Variants in TRPV1 observed in about 807,000 individuals in gnomAD.
The protein encoded by TRPV1 is OTRPC1.
TRPV1 carries 82 observed loss-of-function variants against 82.3 expected under a neutral mutation model. The observed-to-expected ratio is 1.00, with a 90% CI of 0.83 to 1.20. TRPV1 has a LOEUF of 1.20. Among genes scored for constraint, TRPV1 ranks in the 50% most tolerant of loss-of-function variants. TRPV1 has a pLI of 0.00. For missense variants in TRPV1, 1,067 were observed against 1,096.8 expected, an observed-to-expected ratio of 0.97 and a Z score of 0.38; for synonymous variants, 515 against 467.7, an observed-to-expected ratio of 1.10 and a Z score of -1.30.
rs2075111831 is a variant in TRPV1, at chr17:3,588,477, C to T, written c.1045-110G>A. On this transcript the variant is annotated intron_variant, in intron 7 of 16. Transcript: ENST00000572705. ...GCCCAGCTGGTGGCCCCACCTAAGC[C>T]CCAGGCGAGTCCCCACCCACTCCTG... The T allele has an allele frequency of 7.8e-6, 10 of 1,277,300 alleles. No individual in the cohort carries two copies. The South Asian group carries it at 1.3e-4, about 17-fold the overall frequency. 79.1% of individuals were successfully genotyped at this position (1,277,300 alleles called of 1,614,324 possible).
At chr17:3,580,423 G>A (rs138449324) in intron 11 of TRPV1, 34 bp downstream of exon 11, 780 of 1,611,838 alleles carry the variant, frequency 4.8e-4, no homozygotes, top group Non-Finnish European at 6.2e-4. Context: ...GTCACCTGGG[G>A]ACTGGACTGG....
chr17:3,577,144 A>G lies in TRPV1; in HGVS notation c.1762T>C (p.Leu588=), dbSNP rs376378147. ...CRFMFVYIVF[L]FGFSTAVVTL... Reference sequence around the variant, plus strand: ...TCATTACCTGTGGAAAACCCGAACAAGAAGACGATGTAGACAAACATGAAA... The same window carrying G: ...TCATTACCTGTGGAAAACCCGAACAGGAAGACGATGTAGACAAACATGAAA... Residue 588 remains leucine, a synonymous_variant, in exon 13 of 17, where the codon TTG becomes CTG. Transcript: ENST00000572705. 24 of 1,588,662 alleles carry G rather than the reference A, an allele frequency of 1.5e-5. No individual in the cohort carries two copies. The highest frequency in any genetic ancestry group is 2.0e-5 in the Non-Finnish European group (23 of 1,167,918).
At position 3,585,935 on chromosome 17, in the gene TRPV1, T is replaced by G. The variant is rs1158563610; in HGVS notation, c.1225-9A>C. 6.2e-7 allele frequency: 1 copy of G among 1,610,646 alleles called. No individual in the cohort carries two copies. The highest frequency in any genetic ancestry group is 8.5e-7 in the Non-Finnish European group (1 of 1,179,418). On this transcript the variant is annotated splice_polypyrimidine_tract_variant and intron_variant, in intron 8 of 16. Coordinates refer to ENST00000572705, the MANE Select transcript of TRPV1 (RefSeq NM_080704.4). The stretch of plus-strand genomic sequence containing the variant: ...AGCATGTCGTGGCGATTCTAGGGGG[T>G]GGGGAGAGAAGTGAGGTTCCCTCCT...
At chr17:3,603,909 G>C (rs2075280663) in intron 2 of TRPV1, among the ~76,000 whole-genome samples, 1 of 152,130 alleles carries the variant, frequency 6.6e-6, no homozygotes, top group Admixed American at 6.6e-5. Flanking sequence ...CCCTAGCAGA[G>C]CAGTAGGGTC....
At chr17:3,593,205 C>T (rs2075184316) in intron 2 of TRPV1, among the ~76,000 whole-genome samples, 2 of 151,952 alleles carry the variant, frequency 1.3e-5, no homozygotes, top group Non-Finnish European at 2.9e-5. Context: ...GCAACCTCCA[C>T]CTCCCAGGTT....
intron 16 of TRPV1, among the ~76,000 whole-genome samples, chr17:3,569,115 T>A (rs767830919): frequency 6.7e-6 from 1 of 149,604 alleles, no homozygotes; most frequent in Non-Finnish European, 1.5e-5. Flanking sequence ...CGGGGCCTGT[T>A]GTGGGGTTGG....
At chr17:3,593,138 C>A (rs200414063) in intron 2 of TRPV1, among the ~76,000 whole-genome samples, 2 of 42,686 alleles carry the variant, frequency 4.7e-5, no homozygotes, top group Non-Finnish European at 4.6e-5. Flanking sequence ...GTGTGTGTGT[C>A]TGTGTGTCTC....
intron 13 of TRPV1, 72 bp downstream of exon 13, chr17:3,577,054 C>T: frequency 1.3e-6 from 2 of 1,493,262 alleles, no homozygotes; most frequent in Non-Finnish European, 1.8e-6. Context: ...TCATTCAGCT[C>T]CTGGCAGAGT....
At chr17:3,588,992 G>C in intron 7 of TRPV1, 9 of 1,530,314 alleles carry the variant, frequency 5.9e-6, no homozygotes, top group Non-Finnish European at 7.0e-6. Context: ...GAAAGAGAAT[G>C]CAAGAAATGA....
chr17:3,571,633 G>T lies in TRPV1; in HGVS notation c.2238C>A (p.Asp746Glu). 6.2e-7 allele frequency: 1 copy of T among 1,608,482 alleles called. No individual in the cohort carries two copies. The highest frequency in any genetic ancestry group is 1.3e-5 in the African/African-American group (1 of 74,954). The change falls in exon 16 of 17, where the codon GAC becomes GAA. Residue 746 changes from aspartate (D) to glutamate (E), a missense_variant. Physicochemically the swap from Asp to Glu is conservative, Grantham distance 45. Coordinates refer to ENST00000572705, the MANE Select transcript of TRPV1 (RefSeq NM_080704.4). ...TGTTCCAGGTGGTCCAGTTCACCTC[G>T]TCCACCCTGCAGGGTAAGGGGTCGG... ...KDDYRWCFRV[D>E]EVNWTTWNTN... is the part of the protein sequence containing the mutation.
Position 3,565,495 on chromosome 17 carries a change from G to A in TRPV1, c.*1320C>T, listed in dbSNP as rs1488043032. ...TGAGGATGCCAGTATGGATGGAGTG[G>A]AAGCATGTGCCATTGCGGAGAAGCA... On this transcript the variant is annotated 3_prime_UTR_variant, in exon 17 of 17. Coordinates refer to ENST00000572705, the MANE Select transcript of TRPV1 (RefSeq NM_080704.4). The A allele has an allele frequency of 1.3e-5, 2 of 152,184 alleles. No individual in the cohort carries two copies. Among genetic ancestry groups the A allele is most frequent in the East Asian group, 3.9e-4 (2 of 5,188 alleles). The allele number at this position is 152,184 out of a possible 1,614,324, so 9.4% of individuals were successfully genotyped here.
chr17:3,579,294 G>A (rs1269101989), intron 11 of TRPV1, among the ~76,000 whole-genome samples: 2 of 152,062 alleles, frequency 1.3e-5, no homozygotes, highest in Admixed American at 6.6e-5. Flanking sequence ...TGAGTCGTAC[G>A]GACAAGCTAG....
chr17:3,569,282 C>T (rs1657748296), intron 16 of TRPV1, among the ~76,000 whole-genome samples: 1 of 152,100 alleles, frequency 6.6e-6, no homozygotes, highest in Admixed American at 6.6e-5. Context: ...AAAAAATTAG[C>T]CGGGTATAGT....
Position 3,590,242 on chromosome 17 carries a change from G to A in TRPV1, c.745+10C>T. 6.2e-7 allele frequency: 1 copy of A among 1,613,510 alleles called. No individual in the cohort carries two copies. The highest frequency in any genetic ancestry group is 8.5e-7 in the Non-Finnish European group (1 of 1,179,610). ...CAAAAAGATCAGGGTCTGCCACACT[G>A]TCTCCCTACCGAAGTAGAATCCAGG... On this transcript the variant is annotated intron_variant, in intron 6 of 16. Transcript: ENST00000572705.
rs35781190 is a variant in TRPV1, at chr17:3,576,653, G to GAAAAAAAAAAA, written c.1780+462_1780+472dup. 1.8e-3 allele frequency among the ~76,000 whole-genome samples: 73 copies of GAAAAAAAAAAA among 41,468 alleles called. 3 individuals are homozygous for GAAAAAAAAAAA. The highest frequency in any genetic ancestry group is 6.6e-3 in the East Asian group (4 of 604). The allele number at this position is 41,468 out of a possible 152,430, so 27.2% of individuals were successfully genotyped here. ...GGCAAGAGAGCTAGACTCTGTATGA[G>GAAAAAAAAAAA]AAAAAAAAAAAAAAAATATATATAT... On this transcript the variant is annotated intron_variant, in intron 13 of 16. Coordinates refer to ENST00000572705, the MANE Select transcript of TRPV1 (RefSeq NM_080704.4).
At chr17:3,603,577 A>G (rs893732098) in intron 2 of TRPV1, among the ~76,000 whole-genome samples, 2 of 152,122 alleles carry the variant, frequency 1.3e-5, no homozygotes, top group Non-Finnish European at 2.9e-5. Context: ...ATTAGTCAGG[A>G]TAGTGGGTGT....
intron 3 of TRPV1, among the ~76,000 whole-genome samples, 195 bp from the exon 4 acceptor site, chr17:3,591,548 A>G (rs903495661): frequency 1.3e-5 from 2 of 152,206 alleles, no homozygotes; most frequent in African/African-American, 4.8e-5. Context: ...ATGTGTCCCC[A>G]TTCTGTCCCC....
chr17:3,593,114 G>GCGTC (rs2075182291), intron 2 of TRPV1, among the ~76,000 whole-genome samples: 1 of 96,626 alleles, frequency 1.0e-5, no homozygotes, highest in African/African-American at 9.4e-5. Flanking sequence ...GTGTGTGTGT[G>GCGTC]TGTGTGTGTG....
At chr17:3,569,661 G>T (rs540873990) in intron 16 of TRPV1, among the ~76,000 whole-genome samples, 85 of 152,316 alleles carry the variant, frequency 5.6e-4, no homozygotes, top group African/African-American at 1.9e-3. Flanking sequence ...GAGGAGGAAG[G>T]ATTCATGGGG....
Sources: allele counts gnomAD v4.1 joint callset (sites outside exome capture counted in the v4.1 genomes callset), GRCh38; gene constraint gnomAD v4.1.1; transcripts MANE v1.5; gene names NCBI Gene and HGNC (gene_info 2026-07-23, HGNC 2026-07-21).